The following RAPGEF2 variants were observed in gnomAD, a reference collection of about 807,000 sequenced individuals.
RAPGEF2 encodes PDZ domain containing guanine nucleotide exchange factor (GEF) 1.
RAPGEF2 carries 54 observed loss-of-function variants against 186.7 expected under a neutral mutation model. That is an observed-to-expected ratio of 0.29 (90% confidence interval 0.23 to 0.36). The LOEUF (loss-of-function observed/expected upper bound fraction) is 0.36, where lower values mean the gene tolerates loss of function less well. Ranked by LOEUF, RAPGEF2 falls within the 10% of genes least tolerant of loss-of-function variation. RAPGEF2 has a pLI of 1.00. For missense variants in RAPGEF2, 1,532 were observed against 2,045.0 expected (o/e 0.75, Z 4.84); for synonymous variants, 712 against 705.9 (o/e 1.01, Z -0.14).
chr4:159,304,040 C>T (rs1359141984), intron 7 of RAPGEF2, among the ~76,000 whole-genome samples: 1 of 152,044 alleles, frequency 6.6e-6, no homozygotes, highest in East Asian at 1.9e-4. Flanking sequence ...TGCTCATTGA[C>T]GTGTGATTGG....
chr4:159,104,452 C>T (rs999003242), intron 1 of RAPGEF2, among the ~76,000 whole-genome samples: 3 of 150,058 alleles, frequency 2.0e-5, no homozygotes, highest in Non-Finnish European at 4.4e-5. Flanking sequence ...TAACTCTTCC[C>T]TCCCCATGAC....
At chr4:159,176,982 T>C (rs1746508151) in intron 1 of RAPGEF2, among the ~76,000 whole-genome samples, 1 of 152,190 alleles carries the variant, frequency 6.6e-6, no homozygotes, top group African/African-American at 2.4e-5. Flanking sequence ...TAGCCAATCT[T>C]TCTTGGAGGA....
intron 8 of RAPGEF2, among the ~76,000 whole-genome samples, chr4:159,305,296 C>T (rs1763148232): frequency 6.6e-6 from 1 of 152,152 alleles, no homozygotes; most frequent in Non-Finnish European, 1.5e-5. Flanking sequence ...TACATTCCCA[C>T]CAGCTGCATA....
intron 3 of RAPGEF2, among the ~76,000 whole-genome samples, chr4:159,196,812 GTTA>G (rs1280143741): frequency 6.6e-6 from 1 of 152,222 alleles, no homozygotes; most frequent in African/African-American, 2.4e-5. Flanking sequence ...CTCTGATGGT[GTTA>G]TTGTTTTAAC....
At chr4:159,273,439 T>C (rs1473183884) in intron 7 of RAPGEF2, among the ~76,000 whole-genome samples, 1 of 152,246 alleles carries the variant, frequency 6.6e-6, no homozygotes, top group Non-Finnish European at 1.5e-5. Context: ...AAAATAAGTA[T>C]ACCTCATATC....
At chr4:159,245,258 T>C (rs914359939) in intron 7 of RAPGEF2, among the ~76,000 whole-genome samples, 3 of 152,044 alleles carry the variant, frequency 2.0e-5, no homozygotes, top group African/African-American at 7.2e-5. Flanking sequence ...TCAAGGCAAG[T>C]GTATGAGGTT....
At chr4:159,191,178 A>G (rs75906040) in intron 2 of RAPGEF2, among the ~76,000 whole-genome samples, 2,989 of 150,394 alleles carry the variant, frequency 0.02, 33 homozygotes, top group Middle Eastern at 0.071. Context: ...TAGAGGATGA[A>G]GTTGGGGAGC....
intron 4 of RAPGEF2, among the ~76,000 whole-genome samples, chr4:159,232,904 T>C (rs1752801660): frequency 6.6e-6 from 1 of 152,196 alleles, no homozygotes; most frequent in African/African-American, 2.4e-5. Flanking sequence ...TGATTTGCTT[T>C]TCTCTAATGA....
At chr4:159,228,614 C>A (rs572591018) in intron 4 of RAPGEF2, among the ~76,000 whole-genome samples, 3 of 152,022 alleles carry the variant, frequency 2.0e-5, no homozygotes, top group Non-Finnish European at 4.4e-5. Context: ...TGTAAGTGAG[C>A]CTTGAAGGAA....
Position 159,342,959 on chromosome 4 carries a change from G to A in RAPGEF2, c.2919-20G>A. On this transcript the variant is annotated intron_variant, in intron 20 of 29. Transcript: ENST00000691494. ...TATTTTACTTTAGTTGTTATACCAT[G>A]TTTCTTTTTCTCCTCTCAGTGGCCT... 1.2e-6 allele frequency: 2 copies of A among 1,607,012 alleles called. No individual in the cohort carries two copies. The highest frequency in any genetic ancestry group is 1.7e-6 in the Non-Finnish European group (2 of 1,174,800).
At chr4:159,227,502 C>T (rs1321165767) in intron 4 of RAPGEF2, among the ~76,000 whole-genome samples, 1 of 152,178 alleles carries the variant, frequency 6.6e-6, no homozygotes, top group African/African-American at 2.4e-5. Flanking sequence ...CTGTTATGGA[C>T]CATAACTTTT....
intron 7 of RAPGEF2, among the ~76,000 whole-genome samples, chr4:159,274,811 TGCTACTTTAAA>T (rs913518714): frequency 6.6e-5 from 10 of 152,168 alleles, no homozygotes; most frequent in African/African-American, 1.9e-4. Context: ...GATATAAATT[TGCTACTTTAAA>T]GCTACTTTAA....
intron 1 of RAPGEF2, among the ~76,000 whole-genome samples, chr4:159,123,628 C>G (rs1398659189): frequency 6.7e-6 from 1 of 148,872 alleles, no homozygotes; most frequent in African/African-American, 2.5e-5. Flanking sequence ...ACGCCATTCT[C>G]CTACCTCAGC....
intron 6 of RAPGEF2, among the ~76,000 whole-genome samples, chr4:159,243,379 G>A (rs1754244337): frequency 6.6e-6 from 1 of 151,760 alleles, no homozygotes. Flanking sequence ...TTTAATGTAG[G>A]AAGATTGCAA....
chr4:159,252,412 T>A (rs1451694256), intron 7 of RAPGEF2, among the ~76,000 whole-genome samples: 2 of 152,216 alleles, frequency 1.3e-5, no homozygotes, highest in Non-Finnish European at 2.9e-5. Context: ...TTTGGAACAC[T>A]TAAGAAAGTT....
At chr4:159,142,707 T>A (rs1340386872) in intron 1 of RAPGEF2, among the ~76,000 whole-genome samples, 3 of 152,240 alleles carry the variant, frequency 2.0e-5, no homozygotes, top group African/African-American at 7.2e-5. Context: ...AATTATAGAA[T>A]GCAATGGTTT....
chr4:159,355,884 G>GC lies in RAPGEF2; in HGVS notation c.4686dup (p.Thr1563HisfsTer12). 3.3e-5 allele frequency: 23 copies of GC among 694,190 alleles called. No individual in the cohort carries two copies. The highest frequency in any genetic ancestry group is 8.8e-5 in the Admixed American group (2 of 22,828). The allele number at this position is 694,190 out of a possible 1,614,324, so 43.0% of individuals were successfully genotyped here. On this transcript the variant is annotated frameshift_variant, in exon 29 of 30. Coordinates refer to ENST00000691494, the MANE Select transcript of RAPGEF2 (RefSeq NM_001394067.2). LOFTEE classifies it high-confidence loss of function. The stretch of plus-strand genomic sequence containing the variant: ...AGGAGGGCAGGTATCGAGAGCCCCC[G>GC]CCCACCCCTCCCGGCTACATTGGAA...
At chr4:159,128,352 C>T (rs1318852383) in intron 1 of RAPGEF2, among the ~76,000 whole-genome samples, 1 of 152,076 alleles carries the variant, frequency 6.6e-6, no homozygotes, top group Non-Finnish European at 1.5e-5. Flanking sequence ...TAAAATGGAA[C>T]ACAATGCTTT....
chr4:159,156,676 T>C (rs959880927), intron 1 of RAPGEF2, among the ~76,000 whole-genome samples: 1 of 152,152 alleles, frequency 6.6e-6, no homozygotes, highest in Non-Finnish European at 1.5e-5. Context: ...TGTGTGATGT[T>C]CCCCGCCCTG....
Sources: allele counts gnomAD v4.1 joint callset (sites outside exome capture counted in the v4.1 genomes callset), GRCh38; gene constraint gnomAD v4.1.1; transcripts MANE v1.5; gene names NCBI Gene and HGNC (gene_info 2026-07-23, HGNC 2026-07-21).